The following CTNNA2 variants were observed in gnomAD, a reference collection of about 807,000 sequenced individuals.
The protein encoded by CTNNA2 is catenin alpha-2.
CTNNA2 carries 42 observed loss-of-function variants against 101.0 expected under a neutral mutation model. The ratio of observed to expected loss-of-function variants is 0.42; its 90% CI spans 0.32 to 0.54. The LOEUF (loss-of-function observed/expected upper bound fraction) is 0.54. CTNNA2 is among the 20% of genes least tolerant of loss of function. CTNNA2 has a pLI of 0.14. For missense variants in CTNNA2, 871 were observed against 1,223.1 expected (o/e 0.71, Z 4.29); for synonymous variants, 450 against 456.4 (o/e 0.99, Z 0.18).
chr2:79,203,994 C>G (rs1674069642), intron 2 of CTNNA2, among the ~76,000 whole-genome samples: 1 of 152,200 alleles, frequency 6.6e-6, no homozygotes, highest in African/African-American at 2.4e-5. Flanking sequence ...CTCATCTCAA[C>G]CCATTAAATG....
intron 3 of CTNNA2, among the ~76,000 whole-genome samples, chr2:79,334,206 A>G (rs943275370): frequency 1.3e-5 from 2 of 152,202 alleles, no homozygotes; most frequent in Non-Finnish European, 2.9e-5. Context: ...ATACTTTTGT[A>G]TCTGCCATTC....
At chr2:79,583,293 A>T (rs1001041502) in intron 1 of CTNNA2, among the ~76,000 whole-genome samples, 1 of 151,820 alleles carries the variant, frequency 6.6e-6, no homozygotes, top group Non-Finnish European at 1.5e-5. Flanking sequence ...TGGTTCATAT[A>T]AAAAAGTTTA....
intron 4 of CTNNA2, among the ~76,000 whole-genome samples, chr2:79,436,326 G>A (rs949320043): frequency 6.6e-6 from 1 of 152,306 alleles, no homozygotes; most frequent in Admixed American, 6.5e-5. Context: ...GACAATAGAT[G>A]GAGCAGGTAA....
intron 1 of CTNNA2, among the ~76,000 whole-genome samples, chr2:79,526,294 T>C (rs902458914): frequency 6.6e-6 from 1 of 151,990 alleles, no homozygotes; most frequent in Admixed American, 6.6e-5. Flanking sequence ...ATGCAAATAC[T>C]TAGTGAAGAT....
At chr2:79,734,979 C>T (rs1325304205) in intron 2 of CTNNA2, among the ~76,000 whole-genome samples, 1 of 152,094 alleles carries the variant, frequency 6.6e-6, no homozygotes, top group Non-Finnish European at 1.5e-5. Flanking sequence ...AGTGGTATCA[C>T]AATAAGTCAG....
chr2:79,831,723 G>A (rs950234236), intron 3 of CTNNA2, among the ~76,000 whole-genome samples: 1 of 147,022 alleles, frequency 6.8e-6, no homozygotes, highest in Non-Finnish European at 1.5e-5. Context: ...TGTTCTCGGT[G>A]TTTATTCACT....
chr2:80,375,282 C>G (rs1675833494), intron 7 of CTNNA2, among the ~76,000 whole-genome samples: 1 of 151,936 alleles, frequency 6.6e-6, no homozygotes. Flanking sequence ...AAGGGCCTCC[C>G]CAGGAGGTAG....
intron 7 of CTNNA2, among the ~76,000 whole-genome samples, chr2:80,234,177 A>G (rs11885570): frequency 0.24 from 35,744 of 151,960 alleles, 6,628 homozygotes; most frequent in African/African-American, 0.51. Context: ...CTCCCAAGGT[A>G]CGCACCAGCA....
At position 79,294,152 on chromosome 2, in the gene CTNNA2, T is replaced by C. The variant is rs141036739; in HGVS notation, c.-405-18557T>C. On this transcript the variant is annotated intron_variant, in intron 2 of 21. Transcript: ENST00000466387. ...GGCTTATAGATGGCCACTTTCTTTC[T>C]GTGTCCTCGCATGGCAGACAGAGAG... 5.0e-3 allele frequency among the ~76,000 whole-genome samples: 751 copies of C among 151,598 alleles called. 11 individuals are homozygous for C. Among genetic ancestry groups the C allele is most frequent in the African/African-American group, 0.017 (698 of 41,276 alleles).
At chr2:80,607,454 G>T (rs781548346) in intron 16 of CTNNA2, among the ~76,000 whole-genome samples, 98 of 151,866 alleles carry the variant, frequency 6.5e-4, no homozygotes, top group Non-Finnish European at 1.3e-3. Flanking sequence ...ATGGACACCC[G>T]CCTACTTCGG....
rs112082992 is a variant in CTNNA2, at chr2:79,353,498, T to G, written c.-317-20333T>G. ...TTATCAGAATAGCAACAACCCCTCT[T>G]TTTTGTTTACCATTTGCATATAAGA... On this transcript the variant is annotated intron_variant, in intron 3 of 21. Coordinates refer to the CTNNA2 transcript ENST00000466387. Among the ~76,000 whole-genome samples, 404 of 152,268 alleles carry G rather than the reference T, an allele frequency of 2.7e-3. 3 individuals are homozygous for G. The highest frequency in any genetic ancestry group is 8.7e-3 in the African/African-American group (362 of 41,546).
intron 4 of CTNNA2, among the ~76,000 whole-genome samples, chr2:79,480,074 A>G (rs1385631235): frequency 6.6e-6 from 1 of 152,058 alleles, no homozygotes; most frequent in Non-Finnish European, 1.5e-5. Flanking sequence ...TGGAAGGAAA[A>G]GGGGAGCCAG....
chr2:79,815,803 G>A (rs144510630), intron 3 of CTNNA2, among the ~76,000 whole-genome samples: 307 of 152,052 alleles, frequency 2.0e-3, no homozygotes, highest in African/African-American at 7.1e-3. Context: ...AAGAATGATG[G>A]TGGTATTTTG....
intron 2 of CTNNA2, among the ~76,000 whole-genome samples, chr2:79,200,061 T>C (rs1176714270): frequency 6.6e-6 from 1 of 152,092 alleles, no homozygotes; most frequent in African/African-American, 2.4e-5. Context: ...GACCACTCTC[T>C]AGTCTTTTCT....
intron 7 of CTNNA2, among the ~76,000 whole-genome samples, chr2:79,932,320 AAG>A (rs1687505001): frequency 6.6e-6 from 1 of 152,196 alleles, no homozygotes; most frequent in Admixed American, 6.5e-5. Context: ...ATAAAAGGGA[AAG>A]AGGAGCAGGG....
chr2:80,504,116 G>GTTAAAT (rs1461295579), intron 9 of CTNNA2, among the ~76,000 whole-genome samples: 2 of 152,178 alleles, frequency 1.3e-5, no homozygotes, highest in Non-Finnish European at 2.9e-5. Context: ...CCTCACCAGG[G>GTTAAAT]TTAAATCAAG....
intron 7 of CTNNA2, among the ~76,000 whole-genome samples, chr2:79,910,269 T>A (rs1345197522): frequency 6.6e-6 from 1 of 152,226 alleles, no homozygotes; most frequent in African/African-American, 2.4e-5. Flanking sequence ...TAAGGAAAAG[T>A]TCTAAATGTA....
intron 2 of CTNNA2, among the ~76,000 whole-genome samples, chr2:79,728,085 A>G (rs189602818): frequency 0.031 from 4,766 of 152,156 alleles, 242 homozygotes; most frequent in African/African-American, 0.1. Context: ...TCCTTTGGGT[A>G]TATACCCAGT....
intron 9 of CTNNA2, among the ~76,000 whole-genome samples, chr2:80,421,582 ATCC>A (rs1212252655): frequency 6.6e-6 from 1 of 151,996 alleles, no homozygotes; most frequent in African/African-American, 2.4e-5. Flanking sequence ...GTGATTCTTG[ATCC>A]TCAACTTGTG....
Sources: gnomAD v4.1 joint callset for allele counts (sites outside exome capture counted in the v4.1 genomes callset) on GRCh38, gnomAD v4.1.1 for gene constraint, MANE v1.5 for transcripts, NCBI Gene and HGNC (gene_info 2026-07-23, HGNC 2026-07-21) for gene names.